Variants in ATP2B2 observed in about 807,000 individuals in gnomAD.
The protein encoded by ATP2B2 is plasma membrane calcium-transporting ATPase 2.
ATP2B2 carries 15 observed loss-of-function variants against 120.0 expected under a neutral mutation model. The ratio of observed to expected loss-of-function variants is 0.12; its 90% CI spans 0.08 to 0.19. The LOEUF (loss-of-function observed/expected upper bound fraction) is 0.19. ATP2B2 is among the 10% of genes least tolerant of loss of function. The pLI, the probability that ATP2B2 is intolerant of heterozygous loss-of-function variation, is 1.00. For synonymous variants in ATP2B2, 694 were observed against 700.3 expected (o/e 0.99, Z 0.14); for missense variants, 1,045 against 1,719.8 (o/e 0.61, Z 6.94).
intron 1 of ATP2B2, among the ~76,000 whole-genome samples, chr3:10,687,120 G>C (rs2071542306): frequency 6.6e-6 from 1 of 152,234 alleles, no homozygotes; most frequent in African/African-American, 2.4e-5. Context: ...GGAAGGCCTT[G>C]TAATACCCAT....
chr3:10,683,740 GTATATA>G (rs1229351012), intron 1 of ATP2B2, among the ~76,000 whole-genome samples: 3 of 105,776 alleles, frequency 2.8e-5, no homozygotes, highest in African/African-American at 1.1e-4. Flanking sequence ...ATATATATGT[GTATATA>G]TATGTGTGTG....
intron 2 of ATP2B2, among the ~76,000 whole-genome samples, chr3:10,415,477 G>A (rs1181716960): frequency 2.0e-5 from 3 of 152,184 alleles, no homozygotes; most frequent in African/African-American, 7.2e-5. Flanking sequence ...TTCCCCACAT[G>A]TGACATGAAG....
chr3:10,493,289 C>A (rs542973076), intron 1 of ATP2B2, among the ~76,000 whole-genome samples: 1 of 152,142 alleles, frequency 6.6e-6, no homozygotes, highest in Non-Finnish European at 1.5e-5. Context: ...CAGGGATGGC[C>A]TTAATGAGGA....
intron 2 of ATP2B2, among the ~76,000 whole-genome samples, chr3:10,599,447 T>C (rs1324940876): frequency 6.6e-6 from 1 of 152,162 alleles, no homozygotes; most frequent in Non-Finnish European, 1.5e-5. Context: ...AGCCCCCACA[T>C]CACCTTGTTC....
At chr3:10,630,686 G>C (rs1051144869) in intron 1 of ATP2B2, among the ~76,000 whole-genome samples, 2 of 152,194 alleles carry the variant, frequency 1.3e-5, no homozygotes, top group Non-Finnish European at 2.9e-5. Flanking sequence ...TGGCTCAGGT[G>C]AAGTTATTGT....
chr3:10,487,637 G>A (rs867128029), intron 1 of ATP2B2, among the ~76,000 whole-genome samples: 1 of 152,222 alleles, frequency 6.6e-6, no homozygotes, highest in African/African-American at 2.4e-5. Flanking sequence ...TCAGCTCAGA[G>A]TAAGTACTCA....
intron 3 of ATP2B2, among the ~76,000 whole-genome samples, chr3:10,410,287 T>C (rs1211313621): frequency 6.6e-6 from 1 of 152,186 alleles, no homozygotes; most frequent in Admixed American, 6.5e-5. Context: ...TTCCTCATCT[T>C]TAAAATGGGC....
chr3:10,484,346 C>G (rs2065541681), intron 1 of ATP2B2, among the ~76,000 whole-genome samples: 1 of 152,130 alleles, frequency 6.6e-6, no homozygotes, highest in South Asian at 2.1e-4. Context: ...GTCTGCCTCT[C>G]CCGTGGGCAC....
chr3:10,669,315 C>T (rs1336898042), intron 1 of ATP2B2, among the ~76,000 whole-genome samples: 5 of 152,238 alleles, frequency 3.3e-5, no homozygotes, highest in East Asian at 1.9e-4. Flanking sequence ...GGTACAGCCT[C>T]GGCCAGACCT....
chr3:10,454,614 T>C (rs2064187351), intron 1 of ATP2B2, among the ~76,000 whole-genome samples: 1 of 152,216 alleles, frequency 6.6e-6, no homozygotes, highest in Admixed American at 6.5e-5. Flanking sequence ...TTCCAAGCTG[T>C]AGAGCCCACT....
intron 2 of ATP2B2, among the ~76,000 whole-genome samples, chr3:10,576,849 G>C (rs374427060): frequency 6.6e-6 from 1 of 152,036 alleles, no homozygotes; most frequent in Non-Finnish European, 1.5e-5. Flanking sequence ...CGGATCACAA[G>C]GTCAGGAATT....
chr3:10,441,942 A>C (rs908195201), intron 2 of ATP2B2, among the ~76,000 whole-genome samples: 2 of 152,194 alleles, frequency 1.3e-5, no homozygotes, highest in African/African-American at 4.8e-5. Flanking sequence ...AATGGTCTCC[A>C]TATTCCTTCC....
intron 3 of ATP2B2, among the ~76,000 whole-genome samples, chr3:10,404,746 C>A (rs889504760): frequency 3.9e-5 from 6 of 152,218 alleles, no homozygotes; most frequent in Middle Eastern, 3.4e-3. Flanking sequence ...TGAATGACAC[C>A]AATAGAGACT....
intron 3 of ATP2B2, among the ~76,000 whole-genome samples, chr3:10,522,009 G>A (rs1016863698): frequency 6.6e-6 from 1 of 152,210 alleles, no homozygotes; most frequent in African/African-American, 2.4e-5. Flanking sequence ...AACAGTCTGT[G>A]TTCTTTCACA....
chr3:10,647,441 T>C (rs2070349846), intron 1 of ATP2B2, among the ~76,000 whole-genome samples: 1 of 152,174 alleles, frequency 6.6e-6, no homozygotes, highest in South Asian at 2.1e-4. Flanking sequence ...GGTTCAAAAC[T>C]TGCCATTGAA....
chr3:10,621,872 G>A (rs2069560155), intron 1 of ATP2B2, among the ~76,000 whole-genome samples: 1 of 152,216 alleles, frequency 6.6e-6, no homozygotes, highest in Non-Finnish European at 1.5e-5. Flanking sequence ...AGAACAACTA[G>A]CATCGCTGAC....
chr3:10,509,022 C>T (rs1407866869), upstream of ATP2B2, among the ~76,000 whole-genome samples: 1 of 152,144 alleles, frequency 6.6e-6, no homozygotes, highest in Non-Finnish European at 1.5e-5. Flanking sequence ...TGTTTTTCTC[C>T]CTTGGGGAGG....
intron 1 of ATP2B2, among the ~76,000 whole-genome samples, chr3:10,475,675 C>T (rs1476527488): frequency 6.6e-6 from 1 of 152,156 alleles, no homozygotes; most frequent in African/African-American, 2.4e-5. Context: ...TCTGCAGTTC[C>T]CATTTTATAG....
chr3:10,328,952 C>T lies in ATP2B2; in HGVS notation c.3594G>A (p.Gln1198=), dbSNP rs1307494187. 6.2e-6 allele frequency: 10 copies of T among 1,613,754 alleles called. No homozygotes were observed. Among genetic ancestry groups the T allele is most frequent in the Non-Finnish European group, 8.5e-6 (10 of 1,179,988 alleles). Reference sequence around the variant, plus strand: ...TGAGGGATGACGGCGGGCTCGAGTTCTGCTTGAGCGCGGCATCTTCTTCCA... The same window carrying T: ...TGAGGGATGACGGCGGGCTCGAGTTTTGCTTGAGCGCGGCATCTTCTTCCA... ...TDLEEDAALK[Q]NSSPPSSLNK... is the part of the protein sequence containing the mutation. Residue 1198 remains glutamine, a synonymous_variant, in exon 23 of 23, where the codon CAG becomes CAA. Transcript: ENST00000360273.
Sources: allele counts gnomAD v4.1 joint callset (sites outside exome capture counted in the v4.1 genomes callset), GRCh38; gene constraint gnomAD v4.1.1; transcripts MANE v1.5; gene names NCBI Gene and HGNC (gene_info 2026-07-23, HGNC 2026-07-21).